QTMAN: variants seen among roughly 807,000 people sequenced by gnomAD.
QTMAN encodes the protein tRNA-queuosine alpha-mannosyltransferase.
chr2:144,285,036 TCAA>T, the QTMAN span, among the ~76,000 whole-genome samples: 1 of 148,642 alleles, frequency 6.7e-6, no homozygotes, highest in Non-Finnish European at 1.5e-5. Context: ...GCCCAAGAGG[TCAA>T]GGCTGCAGTA....
chr2:144,289,029 CTTT>C, the QTMAN span, among the ~76,000 whole-genome samples: 6 of 115,966 alleles, frequency 5.2e-5, no homozygotes, highest in South Asian at 2.8e-4. Context: ...CAAGAAAATT[CTTT>C]TTTTTTTTTT....
At chr2:144,305,587 C>A in the QTMAN span, among the ~76,000 whole-genome samples, 1 of 152,110 alleles carries the variant, frequency 6.6e-6, no homozygotes, top group African/African-American at 2.4e-5. Flanking sequence ...ATTCTGACTA[C>A]CCTGAATTTC....
the QTMAN span, among the ~76,000 whole-genome samples, chr2:144,276,334 A>T: frequency 2.9e-3 from 445 of 152,218 alleles, 4 homozygotes; most frequent in Middle Eastern, 6.8e-3. Context: ...GGCATGAGCC[A>T]CCACACCCAG....
At chr2:144,050,243 T>C in the QTMAN span, among the ~76,000 whole-genome samples, 1 of 152,108 alleles carries the variant, frequency 6.6e-6, no homozygotes. Flanking sequence ...GCATGACAAC[T>C]ACCTTGAAAT....
the QTMAN span, among the ~76,000 whole-genome samples, chr2:144,113,175 G>A: frequency 1.3e-5 from 2 of 151,768 alleles, no homozygotes; most frequent in Admixed American, 6.6e-5. Flanking sequence ...AATTCAAGCA[G>A]CCAACATAAA....
the QTMAN span, among the ~76,000 whole-genome samples, chr2:144,089,302 T>C: frequency 6.6e-6 from 1 of 151,874 alleles, no homozygotes; most frequent in Non-Finnish European, 1.5e-5. Context: ...TAAGTGAAGT[T>C]GGCAAGGAAG....
the QTMAN span, among the ~76,000 whole-genome samples, chr2:144,050,758 T>A: frequency 5.9e-5 from 9 of 151,798 alleles, no homozygotes; most frequent in African/African-American, 2.2e-4. Context: ...GTTGGTGAAG[T>A]TGGTTTATTT....
At chr2:144,189,357 A>C in the QTMAN span, among the ~76,000 whole-genome samples, 2 of 152,214 alleles carry the variant, frequency 1.3e-5, no homozygotes, top group African/African-American at 4.8e-5. Context: ...CCCCTAAGGC[A>C]GTACACAGGG....
the QTMAN span, among the ~76,000 whole-genome samples, chr2:144,256,444 T>C: frequency 6.6e-6 from 1 of 152,230 alleles, no homozygotes; most frequent in African/African-American, 2.4e-5. Context: ...TTGATATTTA[T>C]TGCTTTTCTC....
chr2:144,329,056 A>G, the QTMAN span, among the ~76,000 whole-genome samples: 2 of 152,098 alleles, frequency 1.3e-5, no homozygotes, highest in Non-Finnish European at 2.9e-5. Flanking sequence ...CTTGGCCAAC[A>G]TGGTGAAACC....
At chr2:144,296,105 G>A in the QTMAN span, among the ~76,000 whole-genome samples, 4 of 152,246 alleles carry the variant, frequency 2.6e-5, no homozygotes, top group Admixed American at 6.5e-5. Context: ...TTTAGGTAAC[G>A]AAGAAGTAAT....
chr2:144,085,810 C>T, the QTMAN span, among the ~76,000 whole-genome samples: 12 of 152,258 alleles, frequency 7.9e-5, no homozygotes, highest in African/African-American at 2.9e-4. Context: ...AAGACAGCTA[C>T]ATCTTCAGGT....
the QTMAN span, among the ~76,000 whole-genome samples, chr2:144,089,340 T>C: frequency 2.0e-5 from 3 of 151,946 alleles, no homozygotes; most frequent in African/African-American, 4.8e-5. Context: ...CTATACACTA[T>C]TGGTAGGAAT....
chr2:144,185,154 T>G, the QTMAN span, among the ~76,000 whole-genome samples: 95 of 152,316 alleles, frequency 6.2e-4, no homozygotes, highest in Non-Finnish European at 1.2e-3. Flanking sequence ...TCCAAAAATA[T>G]ATTATCTCAT....
chr2:144,308,103 T>C, the QTMAN span, among the ~76,000 whole-genome samples: 18 of 150,284 alleles, frequency 1.2e-4, no homozygotes, highest in South Asian at 2.1e-4. Flanking sequence ...GTTGGCATGA[T>C]AGACATATAG....
chr2:144,025,375 T>G, the QTMAN span, among the ~76,000 whole-genome samples: 2 of 152,066 alleles, frequency 1.3e-5, no homozygotes, highest in African/African-American at 4.8e-5. Flanking sequence ...GGCCCTGATT[T>G]GAGATTCTGA....
the QTMAN span, among the ~76,000 whole-genome samples, chr2:144,156,256 T>C: frequency 6.6e-6 from 1 of 152,152 alleles, no homozygotes. Flanking sequence ...GTGCTTAATA[T>C]ACCATTTGGA....
chr2:144,318,271 T>C, the QTMAN span, among the ~76,000 whole-genome samples: 156 of 150,548 alleles, frequency 1.0e-3, no homozygotes, highest in Admixed American at 4.0e-3. Flanking sequence ...TATTTGAAAA[T>C]GGCAAAGCTT....
chr2:144,209,719 T>C, the QTMAN span, among the ~76,000 whole-genome samples: 1 of 152,138 alleles, frequency 6.6e-6, no homozygotes, highest in Non-Finnish European at 1.5e-5. Flanking sequence ...CTAATATACA[T>C]CTCAAATTAT....
Sources: allele counts gnomAD v4.1 joint callset (sites outside exome capture counted in the v4.1 genomes callset), GRCh38; gene constraint gnomAD v4.1.1; transcripts MANE v1.5; gene names NCBI Gene and HGNC (gene_info 2026-07-23, HGNC 2026-07-21).